Variants in TBC1D9 observed in about 807,000 individuals in gnomAD.
The protein encoded by TBC1D9 is TBC1 domain family member 9A.
TBC1D9 carries 63 observed loss-of-function variants against 132.0 expected under a neutral mutation model. That is an observed-to-expected ratio of 0.48 (90% CI 0.39 to 0.59). TBC1D9 has a LOEUF of 0.59. Ranked by LOEUF, TBC1D9 falls within the 20% of genes least tolerant of loss-of-function variation. The pLI, the probability that TBC1D9 is intolerant of heterozygous loss-of-function variation, is 0.00. For synonymous variants in TBC1D9, 610 were observed against 609.9 expected, an observed-to-expected ratio of 1.00 and a Z score of 0.00; for missense variants, 1,261 against 1,592.7, an observed-to-expected ratio of 0.79 and a Z score of 3.54.
intron 2 of TBC1D9, among the ~76,000 whole-genome samples, chr4:140,697,336 C>T (rs1737977558): frequency 1.3e-5 from 2 of 152,072 alleles, no homozygotes; most frequent in Non-Finnish European, 2.9e-5. Flanking sequence ...GAGCCAAGAT[C>T]ATGCCACTGA....
At chr4:140,728,417 G>T in intron 1 of TBC1D9, among the ~76,000 whole-genome samples, 1 of 147,556 alleles carries the variant, frequency 6.8e-6, no homozygotes, top group Non-Finnish European at 1.5e-5. Flanking sequence ...AAAAAAAAAA[G>T]TAACAGTTTT....
chr4:140,698,738 G>C (rs984646975), intron 2 of TBC1D9, among the ~76,000 whole-genome samples: 1 of 151,590 alleles, frequency 6.6e-6, no homozygotes, highest in South Asian at 2.1e-4. Flanking sequence ...ACTCCATCTC[G>C]GGGGTGGGGG....
intron 1 of TBC1D9, among the ~76,000 whole-genome samples, chr4:140,751,786 A>T (rs1738927999): frequency 6.6e-6 from 1 of 152,240 alleles, no homozygotes; most frequent in Non-Finnish European, 1.5e-5. Context: ...AGACTTGAAC[A>T]ATCATATCTC....
intron 1 of TBC1D9, among the ~76,000 whole-genome samples, chr4:140,727,385 TG>T (rs1288952804): frequency 4.6e-5 from 7 of 152,166 alleles, no homozygotes; most frequent in Non-Finnish European, 1.0e-4. Flanking sequence ...CCCACAGCAG[TG>T]GGGCAGGCCA....
chr4:140,722,907 G>A (rs1052050721), intron 1 of TBC1D9, among the ~76,000 whole-genome samples: 11 of 151,878 alleles, frequency 7.2e-5, no homozygotes, highest in African/African-American at 1.9e-4. Context: ...ATTACTCTTC[G>A]GGGTTCTCTC....
At chr4:140,679,513 A>G in intron 4 of TBC1D9, 102 bp downstream of exon 4, 1 of 858,494 alleles carries the variant, frequency 1.2e-6, no homozygotes, top group Non-Finnish European at 1.8e-6. Context: ...TGACTTAGTT[A>G]TAACTATAGA....
At chr4:140,702,148 T>A (rs577360849) in intron 1 of TBC1D9, among the ~76,000 whole-genome samples, 36 of 152,316 alleles carry the variant, frequency 2.4e-4, no homozygotes, top group African/African-American at 8.4e-4. Flanking sequence ...AGAGCCTGGT[T>A]TATGCTATGA....
intron 2 of TBC1D9, among the ~76,000 whole-genome samples, chr4:140,688,985 C>T (rs1299977606): frequency 6.6e-6 from 1 of 152,086 alleles, no homozygotes; most frequent in Admixed American, 6.6e-5. Flanking sequence ...GAGCCCTGTG[C>T]AGAATAAATG....
chr4:140,717,992 A>G (rs1369031510), intron 1 of TBC1D9, among the ~76,000 whole-genome samples: 1 of 152,206 alleles, frequency 6.6e-6, no homozygotes, highest in Non-Finnish European at 1.5e-5. Flanking sequence ...ATGATATGAA[A>G]ATAGGTAGAA....
chr4:140,743,241 TCA>T (rs573174906), intron 1 of TBC1D9, among the ~76,000 whole-genome samples: 62 of 152,194 alleles, frequency 4.1e-4, no homozygotes, highest in Non-Finnish European at 7.5e-4. Flanking sequence ...CTTCCATTAC[TCA>T]CACATTGCTG....
In TBC1D9 at chr4:140,624,297, G is replaced by C. The variant is rs1214551289; in HGVS notation, c.2974+17C>G. 6.2e-7 allele frequency: 1 copy of C among 1,612,960 alleles called. No individual in the cohort carries two copies. Among genetic ancestry groups the C allele is most frequent in the Non-Finnish European group, 8.5e-7 (1 of 1,179,284 alleles). On this transcript the variant is annotated intron_variant, in intron 19 of 20. Transcript: ENST00000442267. ...CAACCAGCAAGAAGGTAAACATATA[G>C]AAGAGAATATCCTTACCTTTGTCTG...
chr4:140,683,190 T>G (rs1004873448), intron 3 of TBC1D9, among the ~76,000 whole-genome samples: 8 of 152,164 alleles, frequency 5.3e-5, no homozygotes, highest in Admixed American at 3.9e-4. Flanking sequence ...CTCATTGAAA[T>G]TTTAAAGAGA....
intron 13 of TBC1D9, chr4:140,643,178 G>T: frequency 1.4e-6 from 2 of 1,433,434 alleles, no homozygotes; most frequent in Non-Finnish European, 1.9e-6. Context: ...CTGCCAGCAG[G>T]CTCTCCAGTG....
chr4:140,689,821 C>T (rs1390457454), intron 2 of TBC1D9, among the ~76,000 whole-genome samples: 2 of 142,404 alleles, frequency 1.4e-5, no homozygotes, highest in East Asian at 4.2e-4. Flanking sequence ...GATCTTGGCT[C>T]ACTGCATCCT....
chr4:140,685,210 C>A (rs1737761467), intron 3 of TBC1D9, among the ~76,000 whole-genome samples: 1 of 152,090 alleles, frequency 6.6e-6, no homozygotes, highest in Admixed American at 6.6e-5. Context: ...ATTTGTGTGG[C>A]CTGAAAATGT....
At chr4:140,633,289 G>C (rs1298752519) in intron 16 of TBC1D9, among the ~76,000 whole-genome samples, 1 of 152,192 alleles carries the variant, frequency 6.6e-6, no homozygotes, top group Non-Finnish European at 1.5e-5. Context: ...AAGTGGGCCA[G>C]GCTCCACTAC....
At position 140,642,486 on chromosome 4, in the gene TBC1D9, C is replaced by T. The variant is rs546643100; in HGVS notation, c.2338-3058G>A. Reference sequence around the variant, plus strand: ...TGCAGCCCCTGCCAGTTTTTGATTTCCCCCCAGCACTGTCTGAAAACTTGA... The same window carrying T: ...TGCAGCCCCTGCCAGTTTTTGATTTTCCCCCAGCACTGTCTGAAAACTTGA... On this transcript the variant is annotated intron_variant, in intron 13 of 20. Transcript: ENST00000442267. The T allele has an allele frequency of 1.2e-3, 1,290 of 1,062,214 alleles. 2 individuals carry two copies. Among genetic ancestry groups the T allele is most frequent in the Non-Finnish European group, 1.6e-3 (1,129 of 697,004 alleles). The allele number at this position is 1,062,214 out of a possible 1,614,324, so 65.8% of individuals were successfully genotyped here. A position where few individuals can be genotyped will look rare whatever the true frequency, so the allele number is the denominator to read the frequency against.
At chr4:140,740,375 C>T (rs1738740789) in intron 1 of TBC1D9, among the ~76,000 whole-genome samples, 2 of 152,190 alleles carry the variant, frequency 1.3e-5, no homozygotes, top group Admixed American at 6.5e-5. Context: ...AAGTCTAGCT[C>T]CTAAAACTAA....
intron 16 of TBC1D9, among the ~76,000 whole-genome samples, chr4:140,629,027 GA>G (rs1736753810): frequency 1.3e-5 from 2 of 152,166 alleles, no homozygotes; most frequent in Non-Finnish European, 2.9e-5. Flanking sequence ...AAAGATAAAT[GA>G]GATTTGGAAA....
Sources: allele counts gnomAD v4.1 joint callset (sites outside exome capture counted in the v4.1 genomes callset), GRCh38; gene constraint gnomAD v4.1.1; transcripts MANE v1.5; gene names NCBI Gene and HGNC (gene_info 2026-07-23, HGNC 2026-07-21).